The following CHD2 variants were observed in gnomAD, a reference collection of about 807,000 sequenced individuals.
CHD2 encodes the protein chromodomain helicase DNA binding protein 2.
A neutral mutation model predicts 243.9 loss-of-function variants in CHD2; 28 were observed. The ratio of observed to expected loss-of-function variants is 0.11; its 90% CI spans 0.09 to 0.16. CHD2 has a LOEUF of 0.16. CHD2 is among the 10% of genes least tolerant of loss of function. The probability of loss-of-function intolerance (pLI) is 1.00; values close to 1 mark genes in which losing one functional copy is unlikely to be tolerated. For missense variants in CHD2, 1,386 were observed against 2,209.8 expected, an observed-to-expected ratio of 0.63 and a Z score of 7.47; for synonymous variants, 775 against 779.0, an observed-to-expected ratio of 0.99 and a Z score of 0.09.
chr15:92,977,094 G>GATAGGATCTT (rs1226235877), intron 20 of CHD2, among the ~76,000 whole-genome samples: 3 of 152,088 alleles, frequency 2.0e-5, no homozygotes, highest in Non-Finnish European at 4.4e-5. Flanking sequence ...ATTGTTGGTT[G>GATAGGATCTT]ATAGGATCTT....
At position 93,020,178 on chromosome 15, in the gene CHD2, C is replaced by T. The variant is rs754504518; in HGVS notation, c.5073C>T (p.Pro1691=). The T allele has an allele frequency of 1.6e-5, 26 of 1,614,062 alleles. No homozygotes were observed. Among genetic ancestry groups the T allele is most frequent in the East Asian group, 4.5e-5 (2 of 44,872 alleles). ...MDAHRSGSYR[P]NNMSRKRPYD... Reference sequence around the variant, plus strand: ...CCCACCGTTCCGGAAGCTATCGACCCAACAACATGTCCAGAAAGAGGCCTT... The same window carrying T: ...CCCACCGTTCCGGAAGCTATCGACCTAACAACATGTCCAGAAAGAGGCCTT... The change falls in exon 38 of 39, where the codon CCC becomes CCT. Residue 1691 remains proline, a synonymous_variant. Transcript: ENST00000394196.
At chr15:92,905,679 A>G (rs1596363570) in intron 2 of CHD2, among the ~76,000 whole-genome samples, 1 of 152,240 alleles carries the variant, frequency 6.6e-6, no homozygotes, top group Non-Finnish European at 1.5e-5. Flanking sequence ...TTTGGGAAGA[A>G]TTATTTGGAT....
intron 7 of CHD2, among the ~76,000 whole-genome samples, chr15:92,940,543 G>T (rs1298918603): frequency 2.0e-5 from 3 of 151,590 alleles, no homozygotes; most frequent in African/African-American, 7.3e-5. Context: ...AGATTTTACA[G>T]ATTTGTTCTT....
At chr15:92,977,846 C>T (rs1381237263) in intron 20 of CHD2, among the ~76,000 whole-genome samples, 1 of 152,202 alleles carries the variant, frequency 6.6e-6, no homozygotes, top group Non-Finnish European at 1.5e-5. Context: ...ACTTACATGG[C>T]ATAATCTACC....
At chr15:92,963,617 CTG>C (rs2053718211) in intron 16 of CHD2, among the ~76,000 whole-genome samples, 1 of 152,154 alleles carries the variant, frequency 6.6e-6, no homozygotes, top group Non-Finnish European at 1.5e-5. Context: ...ATTCAGGTCG[CTG>C]TTGGGTATTG....
At chr15:92,949,311 G>A in intron 13 of CHD2, 2 of 1,137,066 alleles carry the variant, frequency 1.8e-6, no homozygotes, top group Non-Finnish European at 2.3e-6. Flanking sequence ...ATTATTTGGT[G>A]GGTAATTTGT....
intron 2 of CHD2, among the ~76,000 whole-genome samples, chr15:92,919,714 C>G (rs1179725877): frequency 6.6e-6 from 1 of 152,154 alleles, no homozygotes; most frequent in Non-Finnish European, 1.5e-5. Context: ...TAAAAACACT[C>G]ATTCAAATCT....
chr15:92,981,337 C>T (rs373054780), intron 23 of CHD2, 28 bp from the exon 24 acceptor site: 60 of 1,553,612 alleles, frequency 3.9e-5, no homozygotes, highest in Non-Finnish European at 5.0e-5. Context: ...CCATTTTATT[C>T]TATTCGTGTT....
chr15:92,987,421 G>A (rs1238793027), intron 26 of CHD2, among the ~76,000 whole-genome samples: 4 of 151,910 alleles, frequency 2.6e-5, no homozygotes, highest in East Asian at 1.9e-4. Flanking sequence ...TCAACATGGC[G>A]AAACCCTCTC....
chr15:92,919,425 C>T (rs1196736025), intron 2 of CHD2, among the ~76,000 whole-genome samples: 1 of 150,602 alleles, frequency 6.6e-6, no homozygotes, highest in East Asian at 2.0e-4. Context: ...CGGAGTCTTG[C>T]TTTGTTGCCC....
chr15:92,982,835 G>C (rs952910906), intron 24 of CHD2, among the ~76,000 whole-genome samples: 1 of 152,166 alleles, frequency 6.6e-6, no homozygotes, highest in African/African-American at 2.4e-5. Context: ...CAGAGGATGG[G>C]GTAGAGAAGG....
intron 4 of CHD2, 147 bp downstream of exon 4, chr15:92,927,477 C>A: frequency 3.6e-6 from 2 of 561,440 alleles, no homozygotes; most frequent in Non-Finnish European, 3.2e-6. Context: ...TGACCAGATA[C>A]AGTAAGGCAA....
intron 24 of CHD2, among the ~76,000 whole-genome samples, chr15:92,983,244 C>CT (rs2054001925): frequency 6.6e-6 from 1 of 152,180 alleles, no homozygotes; most frequent in Non-Finnish European, 1.5e-5. Flanking sequence ...ACTGCTGCTC[C>CT]TTTCTTCAGC....
chr15:92,980,034 G>GTTTTTTGT (rs2053958103), intron 22 of CHD2, among the ~76,000 whole-genome samples: 1 of 83,932 alleles, frequency 1.2e-5, no homozygotes. Context: ...TTTCAGCTAT[G>GTTTTTTGT]TTTTTTGTTT....
intron 22 of CHD2, among the ~76,000 whole-genome samples, chr15:92,980,450 A>G (rs2053965062): frequency 6.6e-6 from 1 of 152,190 alleles, no homozygotes; most frequent in East Asian, 1.9e-4. Context: ...AGATGAGAAA[A>G]GCCTAGCTCT....
At chr15:92,941,488 G>T (rs1195270562) in intron 7 of CHD2, among the ~76,000 whole-genome samples, 4 of 151,460 alleles carry the variant, frequency 2.6e-5, no homozygotes, top group Admixed American at 2.0e-4. Flanking sequence ...CTTTTTTTGT[G>T]TGGTAGTCTA....
chr15:92,985,380 C>T (rs1420965809), intron 25 of CHD2, 118 bp from the exon 26 acceptor site: 5 of 1,004,696 alleles, frequency 5.0e-6, no homozygotes, highest in African/African-American at 4.9e-5. Context: ...GGAAAATTGA[C>T]TTGTCTGATA....
chr15:92,972,488 A>G, intron 19 of CHD2, 71 bp downstream of exon 19: 1 of 1,345,038 alleles, frequency 7.4e-7, no homozygotes, highest in South Asian at 1.5e-5. Flanking sequence ...CAACCTTCCT[A>G]CACTGGGTTG....
intron 26 of CHD2, 101 bp downstream of exon 26, chr15:92,985,774 AATAC>A: frequency 8.4e-7 from 1 of 1,187,900 alleles, no homozygotes; most frequent in Non-Finnish European, 1.1e-6. Flanking sequence ...GGCAGAGGCT[AATAC>A]CTACAAAAAA....
Sources: allele counts gnomAD v4.1 joint callset (sites outside exome capture counted in the v4.1 genomes callset), GRCh38; gene constraint gnomAD v4.1.1; transcripts MANE v1.5; gene names NCBI Gene and HGNC (gene_info 2026-07-23, HGNC 2026-07-21).